Variants in HS3ST4 observed in about 807,000 individuals in gnomAD.
The protein encoded by HS3ST4 is heparan sulfate-glucosamine 3-sulfotransferase 4.
Under a neutral mutation model 29.2 loss-of-function variants are expected in HS3ST4, and 17 were observed. That is an observed-to-expected ratio of 0.58 (90% CI 0.40 to 0.87). The LOEUF (loss-of-function observed/expected upper bound fraction) is 0.87. Among genes scored for constraint, HS3ST4 ranks in the 40% least tolerant of loss-of-function variants. HS3ST4 has a pLI of 0.00. For synonymous variants in HS3ST4, 314 were observed against 285.7 expected (o/e 1.10, Z -1.00); for missense variants, 627 against 634.5 (o/e 0.99, Z 0.13).
chr16:25,721,452 A>G (rs1192365187), intron 1 of HS3ST4, among the ~76,000 whole-genome samples: 2 of 142,552 alleles, frequency 1.4e-5, no homozygotes, highest in Non-Finnish European at 3.1e-5. Context: ...TAATAATGAA[A>G]TACCCTTCTT....
chr16:25,832,099 CCTGTT>C (rs1185949312), intron 1 of HS3ST4, among the ~76,000 whole-genome samples: 1 of 151,900 alleles, frequency 6.6e-6, no homozygotes, highest in Non-Finnish European at 1.5e-5. Flanking sequence ...AGAGTGAGAC[CCTGTT>C]GCAAACATAC....
chr16:25,728,599 A>G (rs1966552123), intron 1 of HS3ST4, among the ~76,000 whole-genome samples: 1 of 152,188 alleles, frequency 6.6e-6, no homozygotes, highest in South Asian at 2.1e-4. Flanking sequence ...ATTCATGGGA[A>G]TTAAAGAAAG....
intron 1 of HS3ST4, among the ~76,000 whole-genome samples, chr16:25,847,331 T>C (rs4488449): frequency 0.29 from 44,414 of 152,070 alleles, 6,940 homozygotes; most frequent in Admixed American, 0.35. Context: ...GGAGAACTAT[T>C]GATTTTTGTC....
chr16:25,947,698 C>T (rs193101518), intron 1 of HS3ST4, among the ~76,000 whole-genome samples: 81 of 152,134 alleles, frequency 5.3e-4, no homozygotes, highest in Middle Eastern at 3.4e-3. Flanking sequence ...TTTTTTGGAA[C>T]GAGAGAGGAA....
At chr16:25,856,798 C>A (rs1320640239) in intron 1 of HS3ST4, among the ~76,000 whole-genome samples, 1 of 152,194 alleles carries the variant, frequency 6.6e-6, no homozygotes, top group East Asian at 1.9e-4. Context: ...TGCTACTCTT[C>A]CATTTGGCTA....
At chr16:25,844,782 G>A (rs1967447652) in intron 1 of HS3ST4, among the ~76,000 whole-genome samples, 3 of 152,166 alleles carry the variant, frequency 2.0e-5, no homozygotes, top group Admixed American at 2.0e-4. Context: ...ATTCACAATA[G>A]CAAAGAGATG....
At chr16:25,851,160 C>T (rs890910948) in intron 1 of HS3ST4, among the ~76,000 whole-genome samples, 3 of 152,202 alleles carry the variant, frequency 2.0e-5, no homozygotes, top group Non-Finnish European at 4.4e-5. Context: ...TCTGTCCCAT[C>T]CTGTACTAGC....
chr16:25,694,589 A>C (rs1966279819), intron 1 of HS3ST4, among the ~76,000 whole-genome samples: 1 of 152,198 alleles, frequency 6.6e-6, no homozygotes, highest in African/African-American at 2.4e-5. Flanking sequence ...TTATAACATC[A>C]GAAGCCATGG....
chr16:26,086,679 A>G (rs1271521657), intron 1 of HS3ST4, among the ~76,000 whole-genome samples: 1 of 152,190 alleles, frequency 6.6e-6, no homozygotes, highest in Non-Finnish European at 1.5e-5. Context: ...AGCACCTAGA[A>G]CAATGCCTAT....
At chr16:26,033,476 C>T (rs1969551405) in intron 1 of HS3ST4, among the ~76,000 whole-genome samples, 2 of 148,276 alleles carry the variant, frequency 1.3e-5, no homozygotes, top group South Asian at 2.1e-4. Context: ...GATCACACCA[C>T]TGCACTCCAG....
chr16:26,064,094 C>T (rs1256659763), intron 1 of HS3ST4, among the ~76,000 whole-genome samples: 1 of 152,010 alleles, frequency 6.6e-6, no homozygotes, highest in Non-Finnish European at 1.5e-5. Flanking sequence ...GGGCTAGTGT[C>T]CACGTATGTG....
chr16:26,136,269 G>T lies in HS3ST4; in HGVS notation c.*21G>T, dbSNP rs1158578997. 8 of 1,597,092 alleles carry T rather than the reference G, an allele frequency of 5.0e-6. No individual in the cohort carries two copies. The highest frequency in any genetic ancestry group is 3.4e-5 in the Admixed American group (2 of 59,020). On this transcript the variant is annotated 3_prime_UTR_variant, in exon 2 of 2. Coordinates refer to ENST00000331351, the MANE Select transcript of HS3ST4 (RefSeq NM_006040.3). ...AATGAGGCTAGAGAGGCAGAGGAAG[G>T]CTAGTCAATAAGCTAAGGAGGCTCC...
chr16:25,964,786 T>A (rs187049614), intron 1 of HS3ST4, among the ~76,000 whole-genome samples: 4 of 152,332 alleles, frequency 2.6e-5, no homozygotes, highest in Admixed American at 1.3e-4. Flanking sequence ...ACACATCATT[T>A]TGTTTCCTGT....
intron 1 of HS3ST4, among the ~76,000 whole-genome samples, chr16:25,952,383 C>A (rs1488381641): frequency 6.6e-6 from 1 of 152,134 alleles, no homozygotes. Flanking sequence ...AGTCTCTGAC[C>A]TTGAACACTT....
chr16:25,994,351 A>AT (rs1298743129), intron 1 of HS3ST4, among the ~76,000 whole-genome samples: 3 of 151,368 alleles, frequency 2.0e-5, no homozygotes, highest in Non-Finnish European at 4.4e-5. Flanking sequence ...CTTTAGATTT[A>AT]TTTTTTCTAT....
At chr16:26,091,456 C>T (rs1049239089) in intron 1 of HS3ST4, among the ~76,000 whole-genome samples, 4 of 152,108 alleles carry the variant, frequency 2.6e-5, no homozygotes, top group Non-Finnish European at 5.9e-5. Flanking sequence ...AGAGCTTGGC[C>T]ATCTGCTTCT....
chr16:25,848,608 C>T (rs1967489045), intron 1 of HS3ST4, among the ~76,000 whole-genome samples: 1 of 151,620 alleles, frequency 6.6e-6, no homozygotes, highest in Admixed American at 6.6e-5. Flanking sequence ...GTAGTTATGC[C>T]CTCTTCATCA....
chr16:25,774,044 G>T (rs959176645), intron 1 of HS3ST4, among the ~76,000 whole-genome samples: 1 of 152,148 alleles, frequency 6.6e-6, no homozygotes, highest in African/African-American at 2.4e-5. Context: ...CTCCTAGGAA[G>T]ACAGCAGTCC....
chr16:25,923,755 T>C (rs1462728228), intron 1 of HS3ST4, among the ~76,000 whole-genome samples: 1 of 152,204 alleles, frequency 6.6e-6, no homozygotes, highest in Non-Finnish European at 1.5e-5. Context: ...ATCCTGTTCA[T>C]GAATTGATTG....
Sources: allele counts gnomAD v4.1 joint callset (sites outside exome capture counted in the v4.1 genomes callset), GRCh38; gene constraint gnomAD v4.1.1; transcripts MANE v1.5; gene names NCBI Gene and HGNC (gene_info 2026-07-23, HGNC 2026-07-21).